Variants in SLC26A1 observed in about 807,000 individuals in gnomAD.
The protein encoded by SLC26A1 is solute carrier family 26 member 1, also known as sulfate anion transporter 1.
In SLC26A1, 18 loss-of-function variants were observed where a neutral mutation model predicts 14.5. The observed-to-expected ratio is 1.24, with a 90% CI of 0.86 to 1.84. The LOEUF is 1.84. SLC26A1 is among the 40% of genes most tolerant of loss of function. The probability of loss-of-function intolerance (pLI) is 0.00; values close to 1 mark genes in which losing one functional copy is unlikely to be tolerated. For synonymous variants in SLC26A1, 505 were observed against 492.0 expected (o/e 1.03, Z -0.35); for missense variants, 1,049 against 1,020.0 (o/e 1.03, Z -0.39).
chr4:990,832 G>A (rs1714231807), intron 2 of SLC26A1: 1 of 431,952 alleles, frequency 2.3e-6, no homozygotes, highest in Non-Finnish European at 4.1e-6. Flanking sequence ...GAGGCCACAT[G>A]GCCTCAGTCC....
rs548414850 is a variant in SLC26A1 at position 981,282 on chromosome 4, G to A, written c.577-1778C>T. On this transcript the variant is annotated intron_variant, in intron 2 of 2. Transcript: ENST00000398520. The stretch of plus-strand genomic sequence containing the variant: ...TATCTTTTCGTTCTTTTTGGGTTCT[G>A]GTGGCAACATATTCCTCGTTTCCAA... Among the ~76,000 whole-genome samples the A allele has an allele frequency of 5.3e-5, 8 of 152,342 alleles. No individual in the cohort carries two copies. The South Asian group carries it at 1.7e-3, about 32-fold the overall frequency.
chr4:989,159 C>T lies in SLC26A1; in HGVS notation c.1780G>A (p.Gly594Ser). Residue 594 changes from glycine (G) to serine (S), a missense_variant, in exon 3 of 3, where the codon GGC becomes AGC. Physicochemically the swap from Gly to Ser is moderately conservative, Grantham distance 56. Coordinates refer to ENST00000398516, the MANE Select transcript of SLC26A1 (RefSeq NM_022042.4). ...AGCGCAGCCCTGGTGCTAACCGGGC[C>T]CAGGTCCTCGCCCTGGGCAGGGCCT... The part of the protein sequence containing the change: ...EGGPAQGEDL[G>S]PVSTRAALVP... 6.2e-7 allele frequency: 1 copy of T among 1,607,494 alleles called. No individual in the cohort carries two copies. Among genetic ancestry groups the T allele is most frequent in the Non-Finnish European group, 8.5e-7 (1 of 1,176,554 alleles).
At chr4:990,717 C>T in intron 2 of SLC26A1, 1 of 410,320 alleles carries the variant, frequency 2.4e-6, no homozygotes, top group Non-Finnish European at 4.4e-6. Flanking sequence ...CCACTGCCCC[C>T]CATGCAGATG....
At chr4:981,587 G>A (rs887795987) in intron 2 of SLC26A1, among the ~76,000 whole-genome samples, 1 of 152,162 alleles carries the variant, frequency 6.6e-6, no homozygotes, top group African/African-American at 2.4e-5. Flanking sequence ...GTAGTGAGCC[G>A]TGATCGCGCC....
rs1357141647 is a variant in SLC26A1, at chr4:989,301, C to T, written c.1638G>A (p.Leu546=). 1 of 1,612,350 alleles carries T rather than the reference C, an allele frequency of 6.2e-7. No individual in the cohort carries two copies. Among genetic ancestry groups the T allele is most frequent in the Non-Finnish European group, 8.5e-7 (1 of 1,179,744 alleles). ...GGAAGAAGTCCTTGTTGGCATAGTACAGCGGCCCCCCAAAGCGGAACACCC... is the reference window on the plus strand; with the variant it reads ...GGAAGAAGTCCTTGTTGGCATAGTATAGCGGCCCCCCAAAGCGGAACACCC... ...GVRVFRFGGP[L]YYANKDFFLQ... is the part of the protein sequence containing the mutation. Residue 546 remains leucine, a synonymous_variant, in exon 3 of 3, where the codon CTG becomes CTA. Transcript: ENST00000398516.
downstream of SLC26A1, among the ~76,000 whole-genome samples, chr4:984,408 G>A (rs1023171532): frequency 6.6e-6 from 1 of 152,034 alleles, no homozygotes; most frequent in Admixed American, 6.6e-5. Context: ...TTATTGTTTT[G>A]CTTTAATTTC....
chr4:984,964 A>G (rs895265853), downstream of SLC26A1, among the ~76,000 whole-genome samples: 23 of 151,974 alleles, frequency 1.5e-4, no homozygotes, highest in Non-Finnish European at 1.6e-4. Context: ...TGCAGTGAGG[A>G]CTTCTGTCTG....
In SLC26A1 at chr4:988,019, G is replaced by A; in HGVS notation, c.*814C>T. 1 of 1,505,152 alleles carries A rather than the reference G, an allele frequency of 6.6e-7. No individual in the cohort carries two copies. The allele number at this position is 1,505,152 out of a possible 1,614,324, so 93.2% of individuals were successfully genotyped here. A position where few individuals can be genotyped will look rare whatever the true frequency, so the allele number is the denominator to read the frequency against. ...GGCACAGATGGGAGGGGAGGGCTGGGGGCTGCTCGGAAGACCCCTTGTTCC... is the reference window on the plus strand; with the variant it reads ...GGCACAGATGGGAGGGGAGGGCTGGAGGCTGCTCGGAAGACCCCTTGTTCC... On this transcript the variant is annotated 3_prime_UTR_variant, in exon 3 of 3. Coordinates refer to ENST00000398516, the MANE Select transcript of SLC26A1 (RefSeq NM_022042.4).
At chr4:984,153 A>G (rs1191444899), downstream of SLC26A1, among the ~76,000 whole-genome samples, 2 of 152,242 alleles carry the variant, frequency 1.3e-5, no homozygotes, top group East Asian at 3.8e-4. Flanking sequence ...TGTTAAACCA[A>G]TTCGTTATCA....
Position 989,196 on chromosome 4 carries a change from C to A in SLC26A1, c.1743G>T (p.Gly581=). Residue 581 remains glycine (G), a synonymous_variant, in exon 3 of 3, where the codon GGG becomes GGT. Coordinates refer to ENST00000398516, the MANE Select transcript of SLC26A1 (RefSeq NM_022042.4). ...CCTGGGCAGGGCCTCCCTCACCGAC[C>A]CCCGTCTCTGAGCCCCCCTCCTTCC... ...ARRKEGGSET[G]VGEGGPAQGE... 1 of 1,607,708 alleles carries A rather than the reference C, an allele frequency of 6.2e-7. No homozygotes were observed. Among genetic ancestry groups the A allele is most frequent in the Non-Finnish European group, 8.5e-7 (1 of 1,176,452 alleles).
chr4:986,663 G>T, downstream of SLC26A1: 1 of 421,254 alleles, frequency 2.4e-6, no homozygotes, highest in Admixed American at 2.5e-5. Context: ...AGGCTGGGGT[G>T]AGAAAATCGC....
exon 3 of SLC26A1, chr4:979,268 A>G: frequency 1.6e-6 from 1 of 617,618 alleles, no homozygotes; most frequent in East Asian, 2.8e-5. Context: ...CAGGCTGGCC[A>G]GGTTGAGGGG....
At chr4:991,775 G>T in intron 1 of SLC26A1, 45 bp from the exon 2 acceptor site, 1 of 1,529,482 alleles carries the variant, frequency 6.5e-7, no homozygotes, top group Admixed American at 2.0e-5. Flanking sequence ...CCCGGATCCA[G>T]GGCCAAACGA....
In SLC26A1 at chr4:993,340, C is replaced by T. The variant is rs897146297; in HGVS notation, c.-67G>A. On this transcript the variant is annotated 5_prime_UTR_variant, in exon 1 of 3. Transcript: ENST00000398516. ...ACAGGCGCGGAGGGCCCTGGGATGA[C>T]GAGGGGCTGGCAAGACCACCGAGGA... is the stretch of plus-strand genomic sequence containing the variant. 6.6e-5 allele frequency: 10 copies of T among 152,298 alleles called. No homozygotes were observed. Among genetic ancestry groups the T allele is most frequent in the Middle Eastern group, 3.4e-3 (1 of 296 alleles). 9.4% of individuals were successfully genotyped at this position (152,298 alleles called of 1,614,324 possible). A position where few individuals can be genotyped will look rare whatever the true frequency, so the allele number is the denominator to read the frequency against.
At position 991,298 on chromosome 4, in the gene SLC26A1, C is replaced by A. The variant is rs747608959; in HGVS notation, c.406G>T (p.Val136Leu). Residue 136 changes from valine (V) to leucine (L), a missense_variant, in exon 2 of 3, where the codon GTG becomes TTG. Physicochemically the swap from Val to Leu is conservative, Grantham distance 32. Coordinates refer to ENST00000398516, the MANE Select transcript of SLC26A1 (RefSeq NM_022042.4). ...FSLLCLMVGQ[V>L]VDRELQLAGF... ...GCCAGCTGGAGCTCCCGGTCCACCA[C>A]CTGCCCCACCATGAGGCAAAGCAGG... is the stretch of plus-strand genomic sequence containing the variant. 1.9e-6 allele frequency: 3 copies of A among 1,612,674 alleles called. No homozygotes were observed. Among genetic ancestry groups the A allele is most frequent in the South Asian group, 1.1e-5 (1 of 91,090 alleles).
chr4:990,943 C>T (rs1027063696), intron 2 of SLC26A1, 185 bp downstream of exon 2: 16 of 609,408 alleles, frequency 2.6e-5, no homozygotes, highest in Non-Finnish European at 3.0e-5. Flanking sequence ...CATCCACAGC[C>T]TCTCCGCGTC....
intron 1 of SLC26A1, chr4:992,371 C>G (rs372820907): frequency 2.8e-6 from 1 of 363,614 alleles, no homozygotes. Context: ...TGGCGGAAGT[C>G]TCAGGAAGAG....
rs759778057 is a variant in SLC26A1 at position 989,865 on chromosome 4, C to T, written c.1074G>A (p.Ser358=). The T allele has an allele frequency of 2.8e-5, 44 of 1,575,948 alleles. No homozygotes were observed. Among genetic ancestry groups the T allele is most frequent in the East Asian group, 7.0e-5 (3 of 42,996 alleles). The part of the protein sequence containing the change: ...LALVAAAFSI[S]LAEMFARSHG... ...GACTGCGGGCGAACATCTCCGCCAG[C>T]GAGATGGAGAAGGCGGCAGCCACGA... is the stretch of plus-strand genomic sequence containing the variant. The change falls in exon 3 of 3, where the codon TCG becomes TCA. Residue 358 remains serine (S), a synonymous_variant. Transcript: ENST00000398516.
chr4:987,579 A>G, downstream of SLC26A1: 1 of 1,363,276 alleles, frequency 7.3e-7, no homozygotes, highest in Non-Finnish European at 9.6e-7. Context: ...CCTTCCTGGC[A>G]GGGCCAGGGC....
Sources: allele counts gnomAD v4.1 joint callset (sites outside exome capture counted in the v4.1 genomes callset), GRCh38; gene constraint gnomAD v4.1.1; transcripts MANE v1.5; gene names NCBI Gene and HGNC (gene_info 2026-07-23, HGNC 2026-07-21).